The following PRR16 variants were observed in gnomAD, a reference collection of about 807,000 sequenced individuals.
The protein encoded by PRR16 is proline rich 16.
PRR16 carries 6 observed loss-of-function variants against 18.2 expected under a neutral mutation model. That is an observed-to-expected ratio of 0.33 (90% CI 0.18 to 0.65). The LOEUF (loss-of-function observed/expected upper bound fraction) is 0.65. Among genes scored for constraint, PRR16 ranks in the 30% least tolerant of loss-of-function variants. The pLI, the probability that PRR16 is intolerant of heterozygous loss-of-function variation, is 0.74. For missense variants in PRR16, 412 were observed against 376.6 expected (o/e 1.09, Z -0.78); for synonymous variants, 151 against 147.8 (o/e 1.02, Z -0.16).
At chr5:120,523,786 T>C (rs1751263894) in intron 1 of PRR16, among the ~76,000 whole-genome samples, 1 of 87,362 alleles carries the variant, frequency 1.1e-5, no homozygotes, top group African/African-American at 5.1e-5. Flanking sequence ...TATATATGTA[T>C]TGATATATTG....
the PRR16 span, among the ~76,000 whole-genome samples, chr5:120,725,646 C>G: frequency 6.6e-6 from 1 of 151,926 alleles, no homozygotes; most frequent in African/African-American, 2.4e-5. Context: ...TATTGCATTC[C>G]AGCCTGAGTG....
At chr5:120,464,698 G>C in intron 1 of PRR16, 53 bp downstream of exon 1, 1 of 1,455,614 alleles carries the variant, frequency 6.9e-7, no homozygotes, top group Non-Finnish European at 9.1e-7. Flanking sequence ...CCCCTCCGGG[G>C]TCCCCTTTCC....
the PRR16 span, among the ~76,000 whole-genome samples, chr5:120,758,122 A>C: frequency 6.6e-6 from 1 of 152,108 alleles, no homozygotes; most frequent in Non-Finnish European, 1.5e-5. Flanking sequence ...CACTGTAGGT[A>C]TTTGTAATTA....
chr5:120,737,731 G>A, the PRR16 span, among the ~76,000 whole-genome samples: 74 of 151,436 alleles, frequency 4.9e-4, no homozygotes, highest in African/African-American at 1.6e-3. Flanking sequence ...CATCCAGTAC[G>A]GGATTATTTT....
intron 1 of PRR16, among the ~76,000 whole-genome samples, chr5:120,680,358 G>A (rs1392961778): frequency 6.6e-6 from 1 of 151,946 alleles, no homozygotes; most frequent in Admixed American, 6.6e-5. Flanking sequence ...TCAACATTAG[G>A]TTTTTGAGAT....
chr5:120,502,149 T>G (rs1255965983), intron 1 of PRR16, among the ~76,000 whole-genome samples: 1 of 151,094 alleles, frequency 6.6e-6, no homozygotes, highest in Non-Finnish European at 1.5e-5. Context: ...TAATTTCACT[T>G]AAGGAAATCT....
the PRR16 span, among the ~76,000 whole-genome samples, chr5:120,718,314 T>G: frequency 6.6e-6 from 1 of 152,080 alleles, no homozygotes; most frequent in African/African-American, 2.4e-5. Flanking sequence ...GGCTTAAACA[T>G]AGAGAAAATT....
At chr5:120,708,268 C>A in the PRR16 span, among the ~76,000 whole-genome samples, 5 of 152,112 alleles carry the variant, frequency 3.3e-5, no homozygotes, top group Non-Finnish European at 7.3e-5. Context: ...TGCTCTTTAC[C>A]TTAGGTTACA....
the PRR16 span, among the ~76,000 whole-genome samples, chr5:120,791,515 TA>T: frequency 8.6e-5 from 13 of 150,612 alleles, no homozygotes; most frequent in East Asian, 5.8e-4. Flanking sequence ...ATAATTAGAT[TA>T]AAAAAAAAGG....
rs189047413 is a variant in PRR16, at chr5:120,522,512, T to G, written c.159+57867T>G. On this transcript the variant is annotated intron_variant, in intron 1 of 1. Transcript: ENST00000407149. ...TTCATATCCTTCGCCCACTTTTTGA[T>G]GAGGTTGTTTGACTTTTTTCTTGTA... 2.8e-3 allele frequency among the ~76,000 whole-genome samples: 423 copies of G among 152,360 alleles called. 2 individuals carry two copies. The highest frequency in any genetic ancestry group is 5.2e-3 in the Admixed American group (79 of 15,310).
chr5:120,742,820 C>T, the PRR16 span, among the ~76,000 whole-genome samples: 1 of 152,128 alleles, frequency 6.6e-6, no homozygotes, highest in African/African-American at 2.4e-5. Context: ...GGGCTGGCTC[C>T]CTCTGGGCTC....
At chr5:120,526,968 G>A (rs968843230) in intron 1 of PRR16, among the ~76,000 whole-genome samples, 62 of 152,238 alleles carry the variant, frequency 4.1e-4, no homozygotes, top group African/African-American at 1.4e-3. Flanking sequence ...GTAAAACTTA[G>A]TCATCTTGTT....
At chr5:120,717,023 A>G in the PRR16 span, among the ~76,000 whole-genome samples, 1 of 152,194 alleles carries the variant, frequency 6.6e-6, no homozygotes, top group Admixed American at 6.5e-5. Context: ...CGTGGCCCAT[A>G]TACTCAGTGA....
At chr5:120,739,682 G>A in the PRR16 span, among the ~76,000 whole-genome samples, 505 of 152,176 alleles carry the variant, frequency 3.3e-3, 4 homozygotes, top group African/African-American at 0.012. Context: ...TTCAAAAAAT[G>A]TTTTGGCTAT....
chr5:120,613,858 A>G (rs1754416948), intron 1 of PRR16, among the ~76,000 whole-genome samples: 1 of 152,192 alleles, frequency 6.6e-6, no homozygotes, highest in Non-Finnish European at 1.5e-5. Flanking sequence ...CTAAGAGCTG[A>G]GCTTTAGTTG....
chr5:120,718,063 G>T, the PRR16 span, among the ~76,000 whole-genome samples: 327 of 152,160 alleles, frequency 2.1e-3, 1 homozygote, highest in Middle Eastern at 6.8e-3. Context: ...CCCTACACTT[G>T]TTAGAACATT....
chr5:120,545,729 G>C (rs958601687), intron 1 of PRR16, among the ~76,000 whole-genome samples: 16 of 151,950 alleles, frequency 1.1e-4, no homozygotes, highest in African/African-American at 3.4e-4. Flanking sequence ...TGAATCATTT[G>C]TATCATCACA....
At chr5:120,487,388 T>C (rs1749846153) in intron 1 of PRR16, among the ~76,000 whole-genome samples, 1 of 152,320 alleles carries the variant, frequency 6.6e-6, no homozygotes, top group East Asian at 1.9e-4. Flanking sequence ...GATTCCTAGG[T>C]ATTTTATTCT....
chr5:120,670,228 T>C (rs764691213), intron 1 of PRR16, among the ~76,000 whole-genome samples: 1 of 152,146 alleles, frequency 6.6e-6, no homozygotes, highest in Non-Finnish European at 1.5e-5. Flanking sequence ...AACATGTGTA[T>C]TTATAGTATC....
Sources: gnomAD v4.1 joint callset for allele counts (sites outside exome capture counted in the v4.1 genomes callset) on GRCh38, gnomAD v4.1.1 for gene constraint, MANE v1.5 for transcripts, NCBI Gene and HGNC (gene_info 2026-07-23, HGNC 2026-07-21) for gene names.